The following SYN3 variants were observed in gnomAD, a reference collection of about 807,000 sequenced individuals.
SYN3 encodes the protein synapsin III, also known as synapsin-3.
Under a neutral mutation model 65.8 loss-of-function variants are expected in SYN3, and 35 were observed. The observed-to-expected ratio is 0.53, with a 90% confidence interval of 0.41 to 0.70. SYN3 has a LOEUF of 0.70. Among genes scored for constraint, SYN3 ranks in the 30% least tolerant of loss-of-function variants. The pLI is 0.00. For missense variants in SYN3, 680 were observed against 749.0 expected (o/e 0.91, Z 1.08); for synonymous variants, 270 against 292.9 (o/e 0.92, Z 0.80).
intron 6 of SYN3, among the ~76,000 whole-genome samples, chr22:32,835,250 C>T (rs1262696615): frequency 1.3e-5 from 2 of 152,188 alleles, no homozygotes; most frequent in African/African-American, 4.8e-5. Context: ...TGTCTTATTT[C>T]ACCCACTGAG....
chr22:32,804,012 T>C (rs1374231782), intron 6 of SYN3, among the ~76,000 whole-genome samples: 4 of 152,228 alleles, frequency 2.6e-5, no homozygotes, highest in Admixed American at 2.0e-4. Flanking sequence ...GCGGTGGGTC[T>C]GAGCAATGCA....
intron 7 of SYN3, among the ~76,000 whole-genome samples, chr22:32,545,317 G>GCAGCTGAAATTTATCCCAATTATTATA (rs1430799421): frequency 4.6e-5 from 7 of 152,188 alleles, no homozygotes; most frequent in Non-Finnish European, 8.8e-5. Flanking sequence ...CTTTGTTATG[G>GCAGCTGAAATTTATCCCAATTATTATA]CAGCTGAAAT....
At chr22:32,520,713 A>AGAT (rs1001351298) in intron 12 of SYN3, among the ~76,000 whole-genome samples, 7 of 152,184 alleles carry the variant, frequency 4.6e-5, no homozygotes, top group African/African-American at 1.7e-4. Flanking sequence ...CTCCCTTACC[A>AGAT]GATGTCACGT....
In SYN3 at chr22:32,663,303, T is replaced by TTC. The variant is rs763144048; in HGVS notation, c.712-66569_712-66568dup. On this transcript the variant is annotated intron_variant, in intron 6 of 13. Coordinates refer to ENST00000358763, the MANE Select transcript of SYN3 (RefSeq NM_003490.4). ...TTCAACTTGTTTTTCTTTTCTTTTC[T>TTC]TCTCTTTTTTTTTTTTTTTGAGTCT... is the stretch of plus-strand genomic sequence containing the variant. Among the ~76,000 whole-genome samples the TTC allele has an allele frequency of 6.9e-4, 93 of 134,182 alleles. 4 individuals carry two copies. The East Asian group carries it at 0.014, about 20-fold the overall frequency. The allele number at this position is 134,182 out of a possible 152,430, so 88.0% of individuals were successfully genotyped here. A position where few individuals can be genotyped will look rare whatever the true frequency, so the allele number is the denominator to read the frequency against.
At chr22:32,693,628 G>A (rs1186860204) in intron 6 of SYN3, among the ~76,000 whole-genome samples, 2 of 105,702 alleles carry the variant, frequency 1.9e-5, no homozygotes, top group Admixed American at 1.4e-4. Context: ...GACTTGCTCT[G>A]TCACCCAGGC....
intron 7 of SYN3, among the ~76,000 whole-genome samples, chr22:32,550,045 T>C (rs1470642330): frequency 6.6e-6 from 1 of 152,202 alleles, no homozygotes; most frequent in Non-Finnish European, 1.5e-5. Context: ...AAAATGGTTA[T>C]TAATTATAAA....
chr22:32,832,903 T>A (rs76605417), intron 6 of SYN3, among the ~76,000 whole-genome samples: 1 of 152,062 alleles, frequency 6.6e-6, no homozygotes, highest in African/African-American at 2.4e-5. Context: ...AATTTTTTTT[T>A]CGTGGTTTTC....
intron 6 of SYN3, among the ~76,000 whole-genome samples, chr22:32,688,399 G>A (rs1320510402): frequency 6.6e-6 from 1 of 152,190 alleles, no homozygotes; most frequent in African/African-American, 2.4e-5. Flanking sequence ...TCAGTGGCAG[G>A]AAGTCTTGCC....
intron 7 of SYN3, among the ~76,000 whole-genome samples, chr22:32,586,350 T>G (rs1012697540): frequency 6.6e-6 from 1 of 152,200 alleles, no homozygotes; most frequent in Non-Finnish European, 1.5e-5. Flanking sequence ...TATAAACTTG[T>G]GTTATGTGTG....
At chr22:32,755,453 T>A (rs918998740) in intron 6 of SYN3, among the ~76,000 whole-genome samples, 1 of 152,184 alleles carries the variant, frequency 6.6e-6, no homozygotes, top group Admixed American at 6.5e-5. Flanking sequence ...GGGGCTCCCA[T>A]GATGATGGAG....
At chr22:32,899,497 C>T (rs185748473) in intron 4 of SYN3, among the ~76,000 whole-genome samples, 3 of 152,070 alleles carry the variant, frequency 2.0e-5, no homozygotes, top group African/African-American at 4.8e-5. Flanking sequence ...AAAGAAGGAG[C>T]GTGTGTGCAG....
chr22:32,788,549 A>AT (rs1049040850), intron 6 of SYN3, among the ~76,000 whole-genome samples: 19 of 152,252 alleles, frequency 1.2e-4, no homozygotes, highest in Middle Eastern at 3.4e-3. Context: ...TCAAAAAAAA[A>AT]AATAATAATA....
At chr22:32,514,169 C>T (rs1484731999) in intron 13 of SYN3, among the ~76,000 whole-genome samples, 1 of 152,194 alleles carries the variant, frequency 6.6e-6, no homozygotes, top group Non-Finnish European at 1.5e-5. Flanking sequence ...AGCTTGGCTG[C>T]TCTCCTGCCT....
intron 1 of SYN3, among the ~76,000 whole-genome samples, chr22:33,012,252 T>C (rs2053368317): frequency 6.6e-6 from 1 of 152,208 alleles, no homozygotes; most frequent in African/African-American, 2.4e-5. Flanking sequence ...GTTTATCCCT[T>C]ATAATTTTTT....
chr22:32,786,528 A>C lies in SYN3; in HGVS notation c.711+78387T>G, dbSNP rs183797110. Reference sequence around the variant, plus strand: ...CAGGTGCCCGCCACCACGCCCGGCAAATTTTTTGTATTTTTCATAGAGATG... The same window carrying C: ...CAGGTGCCCGCCACCACGCCCGGCACATTTTTTGTATTTTTCATAGAGATG... On this transcript the variant is annotated intron_variant, in intron 6 of 13. Transcript: ENST00000358763. Among the ~76,000 whole-genome samples, 825 of 150,378 alleles carry C rather than the reference A, an allele frequency of 5.5e-3. 3 individuals carry two copies. The highest frequency in any genetic ancestry group is 8.8e-3 in the Non-Finnish European group (595 of 67,640).
At chr22:32,854,342 T>G (rs1369365557) in intron 6 of SYN3, among the ~76,000 whole-genome samples, 3 of 152,118 alleles carry the variant, frequency 2.0e-5, no homozygotes, top group Non-Finnish European at 4.4e-5. Context: ...GGTGCCAAGC[T>G]GATTTCGATG....
At chr22:32,704,650 T>A (rs1313255474) in intron 6 of SYN3, among the ~76,000 whole-genome samples, 5 of 152,230 alleles carry the variant, frequency 3.3e-5, no homozygotes, top group Non-Finnish European at 1.5e-5. Flanking sequence ...CACACTGCTT[T>A]CCACAGTGGT....
intron 6 of SYN3, among the ~76,000 whole-genome samples, chr22:32,713,129 G>A (rs779943982): frequency 2.0e-5 from 3 of 152,156 alleles, no homozygotes; most frequent in Non-Finnish European, 4.4e-5. Context: ...ATGGATGAAT[G>A]AATGAGCTAT....
intron 6 of SYN3, among the ~76,000 whole-genome samples, chr22:32,632,875 G>T (rs547172354): frequency 6.6e-6 from 1 of 152,312 alleles, no homozygotes; most frequent in South Asian, 2.1e-4. Context: ...CGCCGTGGAT[G>T]TCTTTGGCTT....
Sources: allele counts gnomAD v4.1 joint callset (sites outside exome capture counted in the v4.1 genomes callset), GRCh38; gene constraint gnomAD v4.1.1; transcripts MANE v1.5; gene names NCBI Gene and HGNC (gene_info 2026-07-23, HGNC 2026-07-21).